DHPS: variants seen among roughly 807,000 people sequenced by gnomAD.
DHPS encodes deoxyhypusine synthase.
DHPS carries 24 observed loss-of-function variants against 38.7 expected under a neutral mutation model. The observed-to-expected ratio is 0.62, with a 90% CI of 0.45 to 0.87. The LOEUF is 0.87. Ranked by LOEUF, DHPS falls within the 40% of genes least tolerant of loss-of-function variation. The pLI is 0.00. For synonymous variants in DHPS, 250 were observed against 204.4 expected, an observed-to-expected ratio of 1.22 and a Z score of -1.90; for missense variants, 510 against 497.6, an observed-to-expected ratio of 1.02 and a Z score of -0.24.
In DHPS at chr19:12,675,751, C is replaced by T. The variant is rs1361614864; in HGVS notation, c.*87G>A. The stretch of plus-strand genomic sequence containing the variant: ...TTCAGATACCATCTTATTCTAGAGA[C>T]GTAGCTGACCAAAAAGTAGGGGAGG... On this transcript the variant is annotated 3_prime_UTR_variant, in exon 9 of 9. Transcript: ENST00000210060. 1.0e-5 allele frequency: 16 copies of T among 1,566,960 alleles called. No individual in the cohort carries two copies. The highest frequency in any genetic ancestry group is 4.6e-5 in the South Asian group (4 of 87,036).
At position 12,677,282 on chromosome 19, in the gene DHPS, G is replaced by A. The variant is rs2145349533; in HGVS notation, c.784+9C>T. 6.2e-7 allele frequency: 1 copy of A among 1,614,102 alleles called. No individual in the cohort carries two copies. Among genetic ancestry groups the A allele is most frequent in the East Asian group, 2.2e-5 (1 of 44,880 alleles). ...CCTTCCCCTCTCCTCTGTGGCCCTA[G>A]CGCCTCACCCTCAACGATGTCCAGG... On this transcript the variant is annotated intron_variant, in intron 6 of 8. Transcript: ENST00000210060.
intron 5 of DHPS, among the ~76,000 whole-genome samples, chr19:12,678,768 CAAAAAAA>C (rs1183531365): frequency 2.2e-5 from 1 of 46,340 alleles, no homozygotes; most frequent in African/African-American, 9.2e-5. Flanking sequence ...GACTCTGTCT[CAAAAAAA>C]AAAAAAAAAA....
chr19:12,677,428 G>A (rs1411929543), intron 5 of DHPS, 32 bp from the exon 6 acceptor site: 3 of 1,584,292 alleles, frequency 1.9e-6, no homozygotes, highest in South Asian at 2.2e-5. Context: ...AGTGGCTGGA[G>A]CTCAGAGCCT....
downstream of DHPS, among the ~76,000 whole-genome samples, chr19:12,674,513 A>G (rs1266209001): frequency 6.6e-6 from 1 of 152,220 alleles, no homozygotes; most frequent in Non-Finnish European, 1.5e-5. Flanking sequence ...AGAATGTTCC[A>G]CCTATTTCTT....
intron 7 of DHPS, 73 bp downstream of exon 7, chr19:12,677,035 T>G (rs777051599): frequency 7.1e-7 from 1 of 1,403,024 alleles, no homozygotes; most frequent in Non-Finnish European, 1.0e-6. Context: ...GTTCATGCTG[T>G]CTACCCAGCA....
Position 12,680,687 on chromosome 19 carries a change from C to T in DHPS, c.208-362G>A, listed in dbSNP as rs886755723. Among the ~76,000 whole-genome samples the T allele has an allele frequency of 3.3e-5, 5 of 150,982 alleles. No individual in the cohort carries two copies. In the Admixed American group the frequency reaches 3.3e-4, roughly 10 times the overall value. ...TAGCTGGGACTACAGGCGCGCACCA[C>T]CATGCCCGGCTAATTTTTTGCATTT... On this transcript the variant is annotated intron_variant, in intron 1 of 8. Transcript: ENST00000210060.
chr19:12,681,261 G>A (rs1040098531), intron 1 of DHPS: 2 of 1,295,206 alleles, frequency 1.5e-6, no homozygotes. Context: ...CCCTTAATTT[G>A]TCTTGCCCCA....
intron 1 of DHPS, chr19:12,681,338 C>A: frequency 9.6e-7 from 1 of 1,043,792 alleles, no homozygotes; most frequent in East Asian, 2.7e-5. Flanking sequence ...AATCAGTCCT[C>A]GCCTCCTCAG....
In DHPS at chr19:12,679,615, AG is replaced by A. The variant is rs1384589955; in HGVS notation, c.591+7del. On this transcript the variant is annotated splice_region_variant and intron_variant, in intron 4 of 8. Coordinates refer to ENST00000210060, the MANE Select transcript of DHPS (RefSeq NM_001930.4). ...TGAACTGGCCCCTCCAGGTTGCCCC[AG>A]CCCCACCTCTGTGTTCTGCTCCATC... 6.2e-7 allele frequency: 1 copy of A among 1,614,114 alleles called. No individual in the cohort carries two copies. Among genetic ancestry groups the A allele is most frequent in the African/African-American group, 1.3e-5 (1 of 75,024 alleles).
In DHPS at chr19:12,680,261, C is replaced by G. The variant is rs145815031; in HGVS notation, c.272G>C (p.Arg91Pro). ...AATGGTGCAGCTGGTAAGTGGGCGG[C>G]GGCTCTGGGTCAGGTCCGCGTGCTG... ...EDQHADLTQS[R>P]RPLTSCTIFL... Residue 91 changes from arginine to proline, a missense_variant, in exon 2 of 9, where the codon CGC (arginine) becomes CCC (proline). By Grantham distance (103) the Arg-to-Pro change is moderately radical (BLOSUM62 -2). Coordinates refer to ENST00000210060, the MANE Select transcript of DHPS (RefSeq NM_001930.4). The G allele has an allele frequency of 1.9e-6, 3 of 1,614,124 alleles. No homozygotes were observed. Among genetic ancestry groups the G allele is most frequent in the South Asian group, 1.1e-5 (1 of 91,092 alleles).
chr19:12,676,357 T>A (rs1235691093), intron 7 of DHPS: 1 of 605,980 alleles, frequency 1.7e-6, no homozygotes, highest in Non-Finnish European at 2.8e-6. Flanking sequence ...AACAGCCAGG[T>A]GTCAACAACC....
chr19:12,673,345 C>A (rs1217844115), downstream of DHPS: 1 of 1,571,890 alleles, frequency 6.4e-7, no homozygotes, highest in Non-Finnish European at 8.7e-7. Context: ...TACTTCATAC[C>A]TAGATGCCTG....
At chr19:12,675,108 A>C (rs1369625017), downstream of DHPS, among the ~76,000 whole-genome samples, 1 of 146,420 alleles carries the variant, frequency 6.8e-6, no homozygotes, top group Non-Finnish European at 1.5e-5. Context: ...GCAAGACTCC[A>C]TCTCAAAAAA....
chr19:12,678,466 C>T (rs2024688641), intron 5 of DHPS, among the ~76,000 whole-genome samples: 2 of 151,700 alleles, frequency 1.3e-5, no homozygotes, highest in South Asian at 2.1e-4. Flanking sequence ...GACCCTGTCT[C>T]GTAAAAAAGA....
chr19:12,677,087 C>A, intron 7 of DHPS, 21 bp downstream of exon 7: 1 of 1,610,416 alleles, frequency 6.2e-7, no homozygotes, highest in South Asian at 1.1e-5. Flanking sequence ...CAGAGTGGGC[C>A]GAAGCGCCAC....
chr19:12,673,453 T>C, downstream of DHPS: 4 of 644,414 alleles, frequency 6.2e-6, no homozygotes, highest in Non-Finnish European at 1.0e-5. Context: ...AGTCTTGCTC[T>C]GTCGCCCAGG....
chr19:12,681,528 C>G (rs1039804980), intron 1 of DHPS, 32 bp downstream of exon 1: 6 of 1,613,022 alleles, frequency 3.7e-6, no homozygotes, highest in Non-Finnish European at 4.2e-6. Flanking sequence ...CCACGCCCCT[C>G]CGCGTCCCTA....
chr19:12,672,557 A>G (rs1192462326), downstream of DHPS: 1 of 427,596 alleles, frequency 2.3e-6, no homozygotes, highest in East Asian at 4.6e-5. Context: ...CCGGTGAGCC[A>G]AGATCATGCC....
At chr19:12,677,486 A>G in intron 5 of DHPS, 90 bp from the exon 6 acceptor site, 4 of 1,073,196 alleles carry the variant, frequency 3.7e-6, no homozygotes, top group South Asian at 1.4e-5. Flanking sequence ...TGGGGTGCCT[A>G]ATTTCTCTAG....
Sources: gnomAD v4.1 joint callset for allele counts (sites outside exome capture counted in the v4.1 genomes callset) on GRCh38, gnomAD v4.1.1 for gene constraint, MANE v1.5 for transcripts, NCBI Gene and HGNC (gene_info 2026-07-23, HGNC 2026-07-21) for gene names.